Variants in ZNF704 observed in about 807,000 individuals in gnomAD.
ZNF704 encodes the protein glucocorticoid induced gene 1.
Under a neutral mutation model 44.7 loss-of-function variants are expected in ZNF704, and 10 were observed. The observed-to-expected ratio is 0.22, with a 90% confidence interval of 0.14 to 0.38. ZNF704 has a LOEUF of 0.38. Ranked by LOEUF, ZNF704 falls within the 10% of genes least tolerant of loss-of-function variation. ZNF704 has a pLI of 1.00. For missense variants in ZNF704, 390 were observed against 545.5 expected (o/e 0.71, Z 2.84); for synonymous variants, 211 against 207.6 (o/e 1.02, Z -0.14).
chr8:80,842,826 GT>G (rs1808704171), intron 1 of ZNF704, among the ~76,000 whole-genome samples: 1 of 152,172 alleles, frequency 6.6e-6, no homozygotes. Context: ...AAGAGGAAGT[GT>G]TCAGCAATGG....
chr8:80,851,872 G>A (rs1808870041), intron 1 of ZNF704, among the ~76,000 whole-genome samples: 1 of 152,110 alleles, frequency 6.6e-6, no homozygotes, highest in Admixed American at 6.5e-5. Flanking sequence ...CATGGTTTAA[G>A]GAAAAGGCAT....
chr8:80,673,998 C>T (rs1469155079), intron 4 of ZNF704, among the ~76,000 whole-genome samples: 1 of 152,230 alleles, frequency 6.6e-6, no homozygotes, highest in Non-Finnish European at 1.5e-5. Context: ...TGATGTTCTA[C>T]CTGCAGTGTG....
intron 1 of ZNF704, among the ~76,000 whole-genome samples, chr8:80,867,956 A>C (rs986272458): frequency 1.3e-5 from 2 of 152,234 alleles, no homozygotes; most frequent in African/African-American, 4.8e-5. Flanking sequence ...CAAGCTTTTC[A>C]TAAGTCTATT....
chr8:80,831,024 G>A (rs1225427408), intron 1 of ZNF704, among the ~76,000 whole-genome samples: 1 of 151,970 alleles, frequency 6.6e-6, no homozygotes, highest in Non-Finnish European at 1.5e-5. Context: ...AAAGTGCTGG[G>A]AATACAAGCG....
chr8:80,666,299 A>C (rs1818193726), intron 5 of ZNF704, among the ~76,000 whole-genome samples: 1 of 150,858 alleles, frequency 6.6e-6, no homozygotes, highest in African/African-American at 2.4e-5. Flanking sequence ...TGAACTCATC[A>C]TTTTTTATGG....
chr8:80,734,694 T>G (rs1179212778), intron 2 of ZNF704, among the ~76,000 whole-genome samples: 1 of 152,200 alleles, frequency 6.6e-6, no homozygotes, highest in Non-Finnish European at 1.5e-5. Flanking sequence ...CCTTTATAAG[T>G]TTTAGCATGT....
At chr8:80,807,109 A>C (rs1254721708) in intron 2 of ZNF704, among the ~76,000 whole-genome samples, 3 of 152,196 alleles carry the variant, frequency 2.0e-5, no homozygotes, top group African/African-American at 7.2e-5. Flanking sequence ...ACAGCACCAT[A>C]ATTCCATTGT....
At chr8:80,763,290 T>C (rs1012798900) in intron 2 of ZNF704, among the ~76,000 whole-genome samples, 1 of 152,166 alleles carries the variant, frequency 6.6e-6, no homozygotes, top group Non-Finnish European at 1.5e-5. Context: ...TCCATGAGGG[T>C]CCCACCCCTG....
intron 1 of ZNF704, among the ~76,000 whole-genome samples, chr8:80,833,176 T>A (rs956320775): frequency 3.3e-5 from 5 of 152,126 alleles, no homozygotes; most frequent in Non-Finnish European, 5.9e-5. Flanking sequence ...TGAAACCCCG[T>A]CTCTACTAAA....
chr8:80,795,545 T>TA lies in ZNF704; in HGVS notation c.221+25828dup, dbSNP rs201144557. On this transcript the variant is annotated intron_variant, in intron 2 of 8. Transcript: ENST00000327835. ...AATACGCTTTTACATTATGTTAAGT[T>TA]AAAAAAAAAGAAATAAAATGCCTCA... is the stretch of plus-strand genomic sequence containing the variant. Among the ~76,000 whole-genome samples the TA allele has an allele frequency of 7.6e-3, 1,151 of 150,584 alleles. 16 individuals are homozygous for TA. Among genetic ancestry groups the TA allele is most frequent in the African/African-American group, 0.026 (1,072 of 41,108 alleles).
At chr8:80,667,151 G>A (rs1818207811) in intron 5 of ZNF704, among the ~76,000 whole-genome samples, 1 of 152,166 alleles carries the variant, frequency 6.6e-6, no homozygotes, top group South Asian at 2.1e-4. Context: ...GCCTGGCAGA[G>A]AGGCCAGAGG....
intron 2 of ZNF704, among the ~76,000 whole-genome samples, chr8:80,731,422 G>T (rs1178873991): frequency 6.6e-6 from 1 of 152,012 alleles, no homozygotes; most frequent in Non-Finnish European, 1.5e-5. Flanking sequence ...AATTTTTAAA[G>T]ACCTGGACTA....
At chr8:80,790,021 G>C (rs967683082) in intron 2 of ZNF704, among the ~76,000 whole-genome samples, 1 of 152,196 alleles carries the variant, frequency 6.6e-6, no homozygotes, top group African/African-American at 2.4e-5. Flanking sequence ...AGGTAGGCAA[G>C]GTGGGAAAAG....
intron 1 of ZNF704, among the ~76,000 whole-genome samples, chr8:80,822,551 G>T (rs944772745): frequency 6.6e-6 from 1 of 152,056 alleles, no homozygotes; most frequent in Admixed American, 6.6e-5. Context: ...TAATCCTTTG[G>T]GTATATACCC....
chr8:80,779,429 C>T (rs1807473337), intron 2 of ZNF704, among the ~76,000 whole-genome samples: 1 of 151,846 alleles, frequency 6.6e-6, no homozygotes, highest in East Asian at 1.9e-4. Flanking sequence ...TTATTCTTAA[C>T]AAGTTTTGAA....
chr8:80,846,749 T>C (rs1176676295), intron 1 of ZNF704, among the ~76,000 whole-genome samples: 11 of 152,158 alleles, frequency 7.2e-5, no homozygotes, highest in East Asian at 1.9e-4. Flanking sequence ...AATATTGTTG[T>C]AGAATTTCAA....
intron 2 of ZNF704, among the ~76,000 whole-genome samples, chr8:80,714,308 A>ATT (rs1283324697): frequency 6.6e-5 from 10 of 152,328 alleles, no homozygotes; most frequent in Admixed American, 5.2e-4. Context: ...CATCCAACAA[A>ATT]TATTTGTTGA....
chr8:80,817,795 T>C (rs2129865966), intron 2 of ZNF704, among the ~76,000 whole-genome samples: 1 of 152,350 alleles, frequency 6.6e-6, no homozygotes, highest in East Asian at 1.9e-4. Flanking sequence ...TAAATAGATG[T>C]TTCAAATTAA....
intron 2 of ZNF704, among the ~76,000 whole-genome samples, chr8:80,701,626 T>C (rs540744292): frequency 1.3e-5 from 2 of 152,216 alleles, no homozygotes; most frequent in South Asian, 2.1e-4. Flanking sequence ...CAAACAGGAC[T>C]GGACAGAGAG....
Sources: gnomAD v4.1 joint callset for allele counts (sites outside exome capture counted in the v4.1 genomes callset) on GRCh38, gnomAD v4.1.1 for gene constraint, MANE v1.5 for transcripts, NCBI Gene and HGNC (gene_info 2026-07-23, HGNC 2026-07-21) for gene names.